The following NCOA2 variants were observed in gnomAD, a reference collection of about 807,000 sequenced individuals.
NCOA2 encodes class E basic helix-loop-helix protein 75.
Under a neutral mutation model 145.1 loss-of-function variants are expected in NCOA2, and 21 were observed. The observed-to-expected ratio is 0.14, with a 90% confidence interval of 0.10 to 0.21. The LOEUF (loss-of-function observed/expected upper bound fraction) is 0.21, where lower values mean the gene tolerates loss of function less well. Ranked by LOEUF, NCOA2 falls within the 10% of genes least tolerant of loss-of-function variation. The pLI is 1.00. For missense variants in NCOA2, 1,472 were observed against 1,837.6 expected, an observed-to-expected ratio of 0.80 and a Z score of 3.64; for synonymous variants, 619 against 637.5, an observed-to-expected ratio of 0.97 and a Z score of 0.44.
the NCOA2 span, among the ~76,000 whole-genome samples, chr8:70,437,697 A>G: frequency 6.6e-6 from 1 of 152,240 alleles, no homozygotes; most frequent in East Asian, 1.9e-4. Flanking sequence ...TTGAAGACTT[A>G]CAGTAGTCAC....
intron 1 of NCOA2, among the ~76,000 whole-genome samples, chr8:70,332,770 G>T (rs1807222413): frequency 6.6e-6 from 1 of 152,098 alleles, no homozygotes; most frequent in African/African-American, 2.4e-5. Context: ...AATCTTTAAA[G>T]ATCAAACTCC....
At chr8:70,141,746 C>G (rs1298167398) in intron 13 of NCOA2, among the ~76,000 whole-genome samples, 1 of 152,130 alleles carries the variant, frequency 6.6e-6, no homozygotes, top group African/African-American at 2.4e-5. Context: ...GCTTTACTTT[C>G]CAAAAGGGAG....
upstream of NCOA2, among the ~76,000 whole-genome samples, chr8:70,404,021 C>T (rs1454671617): frequency 6.6e-6 from 1 of 152,178 alleles, no homozygotes; most frequent in Non-Finnish European, 1.5e-5. Flanking sequence ...GGGGCGGAAA[C>T]TTGCCTCTCG....
the NCOA2 span, among the ~76,000 whole-genome samples, chr8:70,409,600 T>A: frequency 6.6e-6 from 1 of 152,220 alleles, no homozygotes; most frequent in East Asian, 1.9e-4. Context: ...GAAGAAAACA[T>A]CAGCCATCCT....
chr8:70,206,519 T>C (rs1818459932), intron 4 of NCOA2, among the ~76,000 whole-genome samples: 1 of 152,232 alleles, frequency 6.6e-6, no homozygotes, highest in Non-Finnish European at 1.5e-5. Flanking sequence ...TCTCCCCCTC[T>C]AGATTTAGAA....
chr8:70,197,965 AT>A (rs956294951), intron 4 of NCOA2, among the ~76,000 whole-genome samples: 2 of 151,180 alleles, frequency 1.3e-5, no homozygotes, highest in African/African-American at 4.9e-5. Context: ...TGCCCATTTA[AT>A]TTTTTTTTAT....
chr8:70,285,146 C>T (rs546638001), intron 2 of NCOA2, among the ~76,000 whole-genome samples: 2 of 152,264 alleles, frequency 1.3e-5, no homozygotes, highest in South Asian at 4.1e-4. Flanking sequence ...CATGCTTAAC[C>T]ATGTTTTATA....
the NCOA2 span, among the ~76,000 whole-genome samples, chr8:70,451,823 C>T: frequency 6.6e-6 from 1 of 152,140 alleles, no homozygotes; most frequent in South Asian, 2.1e-4. Flanking sequence ...ATTAACAGTT[C>T]TCTCCCTTCA....
chr8:70,199,356 C>T (rs1451015046), intron 4 of NCOA2, among the ~76,000 whole-genome samples: 1 of 149,296 alleles, frequency 6.7e-6, no homozygotes, highest in Non-Finnish European at 1.5e-5. Flanking sequence ...GAGGCTGAGG[C>T]AGGAGAATTG....
At chr8:70,159,242 A>ATATATTTTTTTTTTT in intron 10 of NCOA2, among the ~76,000 whole-genome samples, 1 of 61,076 alleles carries the variant, frequency 1.6e-5, no homozygotes, top group African/African-American at 5.4e-5. Context: ...ATATATATAT[A>ATATATTTTTTTTTTT]TTTTTTTTTT....
the NCOA2 span, among the ~76,000 whole-genome samples, chr8:70,419,515 T>C: frequency 1.3e-5 from 2 of 152,172 alleles, no homozygotes; most frequent in Admixed American, 6.5e-5. Context: ...TTCTTTACGA[T>C]GGGCTCTTTT....
At chr8:70,450,851 G>A in the NCOA2 span, among the ~76,000 whole-genome samples, 1 of 151,136 alleles carries the variant, frequency 6.6e-6, no homozygotes, top group African/African-American at 2.4e-5. Flanking sequence ...ACAGGCATGA[G>A]CCACCGTGCC....
At chr8:70,258,689 ACTT>A (rs927178298) in intron 2 of NCOA2, among the ~76,000 whole-genome samples, 4 of 151,940 alleles carry the variant, frequency 2.6e-5, no homozygotes, top group African/African-American at 9.7e-5. Context: ...ACCACCAATA[ACTT>A]CTTCTCATGC....
At chr8:70,179,311 G>A (rs1385731374) in intron 4 of NCOA2, among the ~76,000 whole-genome samples, 5 of 152,068 alleles carry the variant, frequency 3.3e-5, no homozygotes, top group East Asian at 1.9e-4. Flanking sequence ...CAATGTAATC[G>A]GAATCTAAAT....
chr8:70,204,987 G>C (rs1412442432), intron 4 of NCOA2, among the ~76,000 whole-genome samples: 8 of 152,192 alleles, frequency 5.3e-5, no homozygotes, highest in African/African-American at 1.9e-4. Flanking sequence ...TGGCCCGGAA[G>C]ACAGAGCAAG....
At chr8:70,367,129 G>T (rs1000727977) in intron 1 of NCOA2, among the ~76,000 whole-genome samples, 1 of 152,098 alleles carries the variant, frequency 6.6e-6, no homozygotes, top group Non-Finnish European at 1.5e-5. Flanking sequence ...CCTTGGGGGA[G>T]GAAAAATTAT....
intron 13 of NCOA2, among the ~76,000 whole-genome samples, chr8:70,143,305 C>T (rs1476526095): frequency 6.6e-6 from 1 of 152,046 alleles, no homozygotes; most frequent in South Asian, 2.1e-4. Context: ...AGGCTGGACA[C>T]CAGTGCTCTC....
chr8:70,233,294 T>C lies in NCOA2; in HGVS notation c.-19-16530A>G, dbSNP rs374515448. ...ACCCCAGAAGGGTCTACAGAAGCAT[T>C]CTATAATCAAATTCAGTATTATTTC... On this transcript the variant is annotated intron_variant, in intron 2 of 22. Transcript: ENST00000452400. Among the ~76,000 whole-genome samples, 6 of 152,264 alleles carry C rather than the reference T, an allele frequency of 3.9e-5. No homozygotes were observed. The East Asian group carries it at 1.2e-3, about 29-fold the overall frequency.
intron 1 of NCOA2, among the ~76,000 whole-genome samples, chr8:70,378,246 C>T (rs1811858364): frequency 6.6e-6 from 1 of 152,042 alleles, no homozygotes; most frequent in African/African-American, 2.4e-5. Flanking sequence ...GAGTCTGAGA[C>T]CAGCCTGGCA....
Sources: gnomAD v4.1 joint callset for allele counts (sites outside exome capture counted in the v4.1 genomes callset) on GRCh38, gnomAD v4.1.1 for gene constraint, MANE v1.5 for transcripts, NCBI Gene and HGNC (gene_info 2026-07-23, HGNC 2026-07-21) for gene names.